RBM33: variants seen among roughly 807,000 people sequenced by gnomAD.
RBM33 encodes the protein RNA binding motif protein 33, also known as RNA-binding protein 33.
In RBM33, 28 loss-of-function variants were observed where a neutral mutation model predicts 132.6. The observed-to-expected ratio is 0.21, with a 90% confidence interval of 0.16 to 0.29. The LOEUF (loss-of-function observed/expected upper bound fraction) is 0.29. RBM33 is among the 10% of genes least tolerant of loss of function. The pLI is 1.00. For synonymous variants in RBM33, 634 were observed against 593.0 expected (o/e 1.07, Z -1.01); for missense variants, 1,291 against 1,518.5 (o/e 0.85, Z 2.49).
intron 15 of RBM33, among the ~76,000 whole-genome samples, chr7:155,765,585 C>T (rs1328747858): frequency 6.6e-6 from 1 of 152,224 alleles, no homozygotes; most frequent in East Asian, 1.9e-4. Context: ...TCTGCCCGAA[C>T]TCCCCAACAG....
rs777600463 is a variant in RBM33 at position 155,745,526 on chromosome 7, C to T, written c.2903C>T (p.Thr968Met). The change falls in exon 14 of 18, where the codon ACG becomes ATG. Residue 968 changes from threonine (T) to methionine (M), a missense_variant. Thr to Met is a moderately conservative substitution (Grantham distance 81). This residue lies in a region of RBM33 where 841 missense variants were observed against 912.0 expected (regional missense o/e 0.92). Coordinates refer to ENST00000401878, the MANE Select transcript of RBM33 (RefSeq NM_053043.3). The surrounding 1 kb of genome is among the most constrained non-coding windows in gnomAD (Gnocchi z 4.1). ...AAGCCTGGCGTGAAAAGGACTGTCA[C>T]GCACAGGACAAACAGTGGTGGTGGA... is the stretch of plus-strand genomic sequence containing the variant. ...DTKPGVKRTV[T>M]HRTNSGGGDG... 1.4e-5 allele frequency: 22 copies of T among 1,612,498 alleles called. No homozygotes were observed. Among genetic ancestry groups the T allele is most frequent in the East Asian group, 4.5e-5 (2 of 44,856 alleles).
intron 3 of RBM33, among the ~76,000 whole-genome samples, chr7:155,674,030 G>A (rs1346533317): frequency 7.6e-6 from 1 of 131,440 alleles, no homozygotes; most frequent in Non-Finnish European, 1.5e-5. Flanking sequence ...TTGGCTCACT[G>A]CAAGCTTCTA....
At chr7:155,686,479 CTTTTTTTTT>C in intron 5 of RBM33, among the ~76,000 whole-genome samples, 1 of 145,686 alleles carries the variant, frequency 6.9e-6, no homozygotes, top group South Asian at 2.2e-4. Flanking sequence ...TATTTTTTTT[CTTTTTTTTT>C]TTAAATTATA....
chr7:155,732,483 G>T (rs888152983), intron 9 of RBM33, among the ~76,000 whole-genome samples: 1 of 152,184 alleles, frequency 6.6e-6, no homozygotes, highest in Non-Finnish European at 1.5e-5. Flanking sequence ...TGAGTTGCGA[G>T]CCCTGAAGTG....
rs1040538025 is a variant in RBM33, at chr7:155,781,383, TTG to T, written c.*6348_*6349del. ...ACGTAGTTGAAAGGAAAATGTACTG[TTG>T]TGTGTTTCATTTGTGTGATTTCGTA... On this transcript the variant is annotated 3_prime_UTR_variant, in exon 18 of 18. Coordinates refer to ENST00000401878, the MANE Select transcript of RBM33 (RefSeq NM_053043.3). The T allele has an allele frequency of 1.3e-5, 2 of 152,246 alleles. No individual in the cohort carries two copies. Among genetic ancestry groups the T allele is most frequent in the Admixed American group, 6.5e-5 (1 of 15,288 alleles). 9.4% of individuals were successfully genotyped at this position (152,246 alleles called of 1,614,324 possible).
At position 155,774,391 on chromosome 7, in the gene RBM33, GATAA is replaced by G. The variant is rs1266516233; in HGVS notation, c.3376-167_3376-164del. Among the ~76,000 whole-genome samples, 1 of 152,210 alleles carries G rather than the reference GATAA, an allele frequency of 6.6e-6. No homozygotes were observed. On this transcript the variant is annotated intron_variant, in intron 16 of 17. Coordinates refer to ENST00000401878, the MANE Select transcript of RBM33 (RefSeq NM_053043.3). The surrounding 1 kb of genome is among the most constrained non-coding windows in gnomAD (Gnocchi z 4.2). The stretch of plus-strand genomic sequence containing the variant: ...GCACTGTTTTGGAGTAGATTATCTA[GATAA>G]GTAAGACAAATTGCCAGGGAGCTAG...
At chr7:155,704,397 A>C (rs1218004317) in intron 6 of RBM33, among the ~76,000 whole-genome samples, 1 of 152,230 alleles carries the variant, frequency 6.6e-6, no homozygotes, top group Non-Finnish European at 1.5e-5. Context: ...TTCATTACAT[A>C]CAGAGGATGT....
At chr7:155,672,640 G>A (rs1798973806) in intron 2 of RBM33, among the ~76,000 whole-genome samples, 1 of 151,740 alleles carries the variant, frequency 6.6e-6, no homozygotes, top group Non-Finnish European at 1.5e-5. Flanking sequence ...AGCTACTTGG[G>A]AGGCTGAGGC....
intron 14 of RBM33, among the ~76,000 whole-genome samples, chr7:155,762,488 A>T (rs1028471229): frequency 1.1e-4 from 17 of 152,166 alleles, no homozygotes; most frequent in African/African-American, 3.9e-4. Flanking sequence ...TGTCCAGCTT[A>T]CACTTGTTTT....
At position 155,729,697 on chromosome 7, in the gene RBM33, G is replaced by A. The variant is rs115998241; in HGVS notation, c.1261-7833G>A. On this transcript the variant is annotated intron_variant, in intron 9 of 17. Transcript: ENST00000401878. ...GGATGCAGTGAGCTGTGATCGCACC[G>A]CTATACTCCAGTCTGTGTGACAAAG... Among the ~76,000 whole-genome samples, 861 of 148,426 alleles carry A rather than the reference G, an allele frequency of 5.8e-3. 11 individuals are homozygous for A. The highest frequency in any genetic ancestry group is 0.02 in the African/African-American group (811 of 40,092).
intron 3 of RBM33, among the ~76,000 whole-genome samples, chr7:155,675,800 T>G (rs754367252): frequency 5.9e-5 from 9 of 152,198 alleles, no homozygotes; most frequent in Non-Finnish European, 1.2e-4. Flanking sequence ...TTGTCTTGTA[T>G]TGCCAATTTA....
At chr7:155,731,122 G>A (rs1220562360) in intron 9 of RBM33, among the ~76,000 whole-genome samples, 3 of 152,158 alleles carry the variant, frequency 2.0e-5, no homozygotes, top group Non-Finnish European at 4.4e-5. Context: ...TTGACTCTCC[G>A]CTCAGAGTGG....
chr7:155,701,007 C>A, intron 6 of RBM33, 63 bp downstream of exon 6: 1 of 1,379,228 alleles, frequency 7.3e-7, no homozygotes, highest in Non-Finnish European at 1.0e-6. Context: ...CATAGTATTG[C>A]TGTAATTAAT....
intron 2 of RBM33, among the ~76,000 whole-genome samples, chr7:155,671,989 C>T (rs924261811): frequency 1.3e-5 from 2 of 152,114 alleles, no homozygotes; most frequent in Non-Finnish European, 2.9e-5. Flanking sequence ...TCATTTAAAA[C>T]AGAAATATGC....
At chr7:155,715,264 G>C in intron 8 of RBM33, among the ~76,000 whole-genome samples, 1 of 152,310 alleles carries the variant, frequency 6.6e-6, no homozygotes, top group East Asian at 1.9e-4. Context: ...TCCTGAACTT[G>C]GAACTGCTGT....
chr7:155,706,274 C>T (rs6962381), intron 6 of RBM33, among the ~76,000 whole-genome samples: 47,260 of 152,068 alleles, frequency 0.31, 7,619 homozygotes, highest in Admixed American at 0.43. Context: ...GATGGATTGC[C>T]TGAACTCGGG....
chr7:155,655,171 T>G (rs918024147), intron 1 of RBM33, among the ~76,000 whole-genome samples: 11 of 152,350 alleles, frequency 7.2e-5, no homozygotes, highest in African/African-American at 2.2e-4. Context: ...TACACGTATG[T>G]TTTACATACA....
Position 155,745,211 on chromosome 7 carries a change from G to C in RBM33, c.2588G>C (p.Gly863Ala). The change falls in exon 14 of 18, where the codon GGT (glycine) becomes GCT (alanine). Residue 863 changes from glycine to alanine, a missense_variant. Coordinates refer to ENST00000401878, the MANE Select transcript of RBM33 (RefSeq NM_053043.3). The surrounding 1 kb of genome is among the most constrained non-coding windows in gnomAD (Gnocchi z 4.1). ...GGTAACCCACTGTTGCCCTTTCCAG[G>C]TGCACAGGTCAGACAAAATGTGAAG... ...TNGNPLLPFP[G>A]AQVRQNVKNR... is the part of the protein sequence containing the mutation. The C allele has an allele frequency of 6.2e-7, 1 of 1,612,360 alleles. No individual in the cohort carries two copies. Among genetic ancestry groups the C allele is most frequent in the Non-Finnish European group, 8.5e-7 (1 of 1,179,174 alleles).
chr7:155,759,576 C>T (rs1801965525), intron 14 of RBM33, among the ~76,000 whole-genome samples: 1 of 151,992 alleles, frequency 6.6e-6, no homozygotes, highest in South Asian at 2.1e-4. Context: ...CGCCACCGCG[C>T]CCGGCTAATT....
Sources: gnomAD v4.1 joint callset for allele counts (sites outside exome capture counted in the v4.1 genomes callset) on GRCh38, gnomAD v4.1.1 for gene constraint, gnomAD v4.1.1 regional missense constraint, Gnocchi (gnomAD v3.1) non-coding constraint, MANE v1.5 for transcripts, NCBI Gene and HGNC (gene_info 2026-07-23, HGNC 2026-07-21) for gene names.